ETV6: variants seen among roughly 807,000 people sequenced by gnomAD.
ETV6 encodes transcription factor ETV6.
Under a neutral mutation model 51.1 loss-of-function variants are expected in ETV6, and 16 were observed. The ratio of observed to expected loss-of-function variants is 0.31; its 90% CI spans 0.21 to 0.48. The LOEUF is 0.48. Among genes scored for constraint, ETV6 ranks in the 20% least tolerant of loss-of-function variants. ETV6 has a pLI of 0.99. For missense variants in ETV6, 458 were observed against 594.8 expected (o/e 0.77, Z 2.39); for synonymous variants, 240 against 224.1 (o/e 1.07, Z -0.64).
chr12:11,676,798 A>G (rs560941014), intron 1 of ETV6, among the ~76,000 whole-genome samples: 5 of 152,192 alleles, frequency 3.3e-5, no homozygotes, highest in Non-Finnish European at 7.3e-5. Context: ...TTGGTGCTCC[A>G]TAAATATCTG....
chr12:11,849,032 G>A (rs1268579196), intron 3 of ETV6, among the ~76,000 whole-genome samples: 3 of 152,294 alleles, frequency 2.0e-5, no homozygotes, highest in Middle Eastern at 3.4e-3. Flanking sequence ...GTGCTGTGGC[G>A]CATGCTCTTT....
chr12:11,838,992 TG>T, intron 2 of ETV6, 147 bp from the exon 3 acceptor site: 1 of 825,976 alleles, frequency 1.2e-6, no homozygotes, highest in Non-Finnish European at 1.8e-6. Context: ...AAACAAGGGC[TG>T]GAGAGGGGAC....
At chr12:11,848,602 CTGTGTGTGCG>C (rs772786554) in intron 3 of ETV6, among the ~76,000 whole-genome samples, 11 of 152,248 alleles carry the variant, frequency 7.2e-5, no homozygotes, top group Non-Finnish European at 1.5e-4. Flanking sequence ...TGTTTTGTTT[CTGTGTGTGCG>C]TGTGTGTGCG....
intron 1 of ETV6, among the ~76,000 whole-genome samples, chr12:11,686,358 G>C (rs1864628271): frequency 6.6e-6 from 1 of 152,172 alleles, no homozygotes; most frequent in Admixed American, 6.5e-5. Flanking sequence ...CCAGGGCCTG[G>C]AGCTGTCAAA....
chr12:11,730,635 C>T (rs1045605272), intron 1 of ETV6, among the ~76,000 whole-genome samples: 3 of 152,226 alleles, frequency 2.0e-5, no homozygotes, highest in South Asian at 2.1e-4. Context: ...TGTGAACCTG[C>T]GACTTCATCC....
chr12:11,838,929 ACTC>A (rs751701729), intron 2 of ETV6, among the ~76,000 whole-genome samples: 3 of 152,158 alleles, frequency 2.0e-5, no homozygotes, highest in Non-Finnish European at 1.5e-5. Context: ...TGCTCCCTGG[ACTC>A]CTCTTGGAGG....
At chr12:11,873,705 G>A (rs186686393) in intron 5 of ETV6, among the ~76,000 whole-genome samples, 1 of 113,176 alleles carries the variant, frequency 8.8e-6, no homozygotes, top group African/African-American at 3.4e-5. Flanking sequence ...CACCTTCTGT[G>A]TATAAGGCAC....
intron 2 of ETV6, among the ~76,000 whole-genome samples, chr12:11,833,768 A>T (rs943023077): frequency 6.6e-6 from 1 of 152,210 alleles, no homozygotes; most frequent in Non-Finnish European, 1.5e-5. Flanking sequence ...CTTGCTTACA[A>T]GTAAGTGCAT....
chr12:11,712,202 T>C (rs533497691), intron 1 of ETV6, among the ~76,000 whole-genome samples: 1 of 152,334 alleles, frequency 6.6e-6, no homozygotes, highest in Admixed American at 6.5e-5. Context: ...GTAGACAAAG[T>C]GAAGTACATT....
At position 11,669,290 on chromosome 12, in the gene ETV6, G is replaced by A. The variant is rs1591597153; in HGVS notation, c.33+19130G>A. ...TCTGATCCAAAAGACTGTGGGAGGA[G>A]GGGGAAGGAACATGGATGGACTTCT... On this transcript the variant is annotated intron_variant, in intron 1 of 7. Coordinates refer to ENST00000396373, the MANE Select transcript of ETV6 (RefSeq NM_001987.5). Among the ~76,000 whole-genome samples, 3 of 152,024 alleles carry A rather than the reference G, an allele frequency of 2.0e-5. No individual in the cohort carries two copies. The South Asian group carries it at 6.2e-4, about 32-fold the overall frequency.
intron 2 of ETV6, among the ~76,000 whole-genome samples, chr12:11,830,650 TA>T (rs1464267640): frequency 6.6e-6 from 1 of 152,162 alleles, no homozygotes; most frequent in Non-Finnish European, 1.5e-5. Context: ...GTGGACTGCC[TA>T]GGAATGGAAA....
At chr12:11,690,696 G>A (rs1489130735) in intron 1 of ETV6, among the ~76,000 whole-genome samples, 1 of 152,006 alleles carries the variant, frequency 6.6e-6, no homozygotes, top group Non-Finnish European at 1.5e-5. Flanking sequence ...AGACCAGCCT[G>A]GCCAACATGG....
chr12:11,859,302 C>T (rs1407981521), intron 4 of ETV6, among the ~76,000 whole-genome samples: 12 of 151,476 alleles, frequency 7.9e-5, no homozygotes, highest in Admixed American at 3.9e-4. Context: ...CCACCATGCC[C>T]GGCTAATTTT....
At chr12:11,766,574 T>A (rs892329458) in intron 2 of ETV6, among the ~76,000 whole-genome samples, 98 of 152,140 alleles carry the variant, frequency 6.4e-4, no homozygotes, top group African/African-American at 2.3e-3. Flanking sequence ...CTTGAACAGC[T>A]CTCGAGAGCA....
chr12:11,843,294 C>G (rs919931809), intron 3 of ETV6, among the ~76,000 whole-genome samples: 1 of 152,220 alleles, frequency 6.6e-6, no homozygotes, highest in African/African-American at 2.4e-5. Context: ...GGGGCAAGAT[C>G]TAGATTGAAA....
chr12:11,799,604 A>G (rs1945719493), intron 2 of ETV6, among the ~76,000 whole-genome samples: 1 of 152,166 alleles, frequency 6.6e-6, no homozygotes, highest in Non-Finnish European at 1.5e-5. Flanking sequence ...AATAAATCCA[A>G]TTGATAAGCA....
chr12:11,653,266 A>G (rs1863940101), intron 1 of ETV6, among the ~76,000 whole-genome samples: 1 of 152,162 alleles, frequency 6.6e-6, no homozygotes, highest in African/African-American at 2.4e-5. Context: ...CCTTCAAGTC[A>G]CCTCTTCAGT....
intron 2 of ETV6, among the ~76,000 whole-genome samples, chr12:11,788,241 A>C (rs1480588184): frequency 3.9e-5 from 6 of 152,250 alleles, no homozygotes; most frequent in Non-Finnish European, 7.3e-5. Context: ...GGTCTAAACC[A>C]TTCCAAAATA....
intron 5 of ETV6, among the ~76,000 whole-genome samples, chr12:11,882,617 C>A (rs1344092722): frequency 6.6e-6 from 1 of 152,176 alleles, no homozygotes; most frequent in Non-Finnish European, 1.5e-5. Flanking sequence ...CCACTAAATA[C>A]CGTTGTTATT....
Sources: allele counts gnomAD v4.1 joint callset (sites outside exome capture counted in the v4.1 genomes callset), GRCh38; gene constraint gnomAD v4.1.1; transcripts MANE v1.5; gene names NCBI Gene and HGNC (gene_info 2026-07-23, HGNC 2026-07-21).